SYNPR: variants seen among roughly 807,000 people sequenced by gnomAD.
SYNPR encodes synaptoporin.
In SYNPR, 23 loss-of-function variants were observed where a neutral mutation model predicts 32.9. The ratio of observed to expected loss-of-function variants is 0.70; its 90% CI spans 0.50 to 0.99. SYNPR has a LOEUF of 0.99. Among genes scored for constraint, SYNPR ranks in the 50% least tolerant of loss-of-function variants. SYNPR has a pLI of 0.00. For synonymous variants in SYNPR, 146 were observed against 135.9 expected (o/e 1.07, Z -0.52); for missense variants, 318 against 349.3 (o/e 0.91, Z 0.71).
intron 2 of SYNPR, among the ~76,000 whole-genome samples, chr3:63,416,968 T>C (rs1192683958): frequency 6.6e-6 from 1 of 152,150 alleles, no homozygotes; most frequent in Non-Finnish European, 1.5e-5. Flanking sequence ...CCAAATCTCA[T>C]GTCCTCACAT....
At chr3:63,511,703 T>C (rs1354664131) in intron 3 of SYNPR, among the ~76,000 whole-genome samples, 3 of 152,078 alleles carry the variant, frequency 2.0e-5, no homozygotes, top group Non-Finnish European at 2.9e-5. Flanking sequence ...GGATAAATTA[T>C]GTTTTCAGGG....
At chr3:63,593,988 T>C (rs1040754840) in intron 4 of SYNPR, among the ~76,000 whole-genome samples, 1 of 152,178 alleles carries the variant, frequency 6.6e-6, no homozygotes, top group Non-Finnish European at 1.5e-5. Flanking sequence ...GAAACAACAA[T>C]GGACAAACAA....
At chr3:63,504,265 G>T (rs1231441812) in intron 3 of SYNPR, among the ~76,000 whole-genome samples, 1 of 152,154 alleles carries the variant, frequency 6.6e-6, no homozygotes, top group Non-Finnish European at 1.5e-5. Context: ...AACACGAACT[G>T]CTTTACTTCA....
chr3:63,576,839 T>A (rs1702990798), intron 4 of SYNPR, among the ~76,000 whole-genome samples: 1 of 150,930 alleles, frequency 6.6e-6, no homozygotes, highest in South Asian at 2.1e-4. Context: ...AAAGAAAACA[T>A]GTTATCTAAG....
intron 2 of SYNPR, among the ~76,000 whole-genome samples, chr3:63,369,403 C>G (rs181110447): frequency 6.6e-6 from 1 of 152,236 alleles, no homozygotes; most frequent in Admixed American, 6.5e-5. Flanking sequence ...GAGGAGCACC[C>G]AGTATAGGGA....
chr3:63,411,035 A>C (rs2088457677), intron 2 of SYNPR, among the ~76,000 whole-genome samples: 1 of 152,120 alleles, frequency 6.6e-6, no homozygotes, highest in Admixed American at 6.6e-5. Flanking sequence ...TTAACTACTC[A>C]CTGTTCTTTA....
chr3:63,211,440 G>A, the SYNPR span, among the ~76,000 whole-genome samples: 379 of 152,306 alleles, frequency 2.5e-3, 4 homozygotes, highest in Non-Finnish European at 3.8e-3. Flanking sequence ...GGAGATTCAA[G>A]TTTACAGTTT....
rs565171017 is a variant in SYNPR, at chr3:63,448,030, G to A, written c.85-32802G>A. 7.9e-4 allele frequency among the ~76,000 whole-genome samples: 109 copies of A among 137,734 alleles called. 1 individual carries two copies. Among genetic ancestry groups the A allele is most frequent in the Non-Finnish European group, 1.4e-3 (88 of 63,284 alleles). 90.4% of individuals were successfully genotyped at this position (137,734 alleles called of 152,430 possible). ...TTTATTTATTTATTTTTGAGATGGA[G>A]TCTCATTCTGCCTCCCAGGCTGGAG... On this transcript the variant is annotated intron_variant, in intron 2 of 5. Transcript: ENST00000478300.
chr3:63,431,955 G>A (rs1016118886), intron 2 of SYNPR, among the ~76,000 whole-genome samples: 13 of 151,836 alleles, frequency 8.6e-5, no homozygotes, highest in Non-Finnish European at 1.9e-4. Flanking sequence ...CAGGCCTTCA[G>A]CATTCTGTCT....
At chr3:63,350,354 C>G (rs1025083373) in intron 2 of SYNPR, among the ~76,000 whole-genome samples, 6 of 152,182 alleles carry the variant, frequency 3.9e-5, no homozygotes, top group Non-Finnish European at 7.3e-5. Flanking sequence ...ACATCTCACT[C>G]TCATTGGACC....
chr3:63,353,614 C>A (rs1227299898), intron 2 of SYNPR, among the ~76,000 whole-genome samples: 1 of 152,168 alleles, frequency 6.6e-6, no homozygotes, highest in Non-Finnish European at 1.5e-5. Context: ...CACAGTCCTG[C>A]CTGACTCACT....
At chr3:63,507,070 C>G (rs1220256660) in intron 3 of SYNPR, among the ~76,000 whole-genome samples, 1 of 151,864 alleles carries the variant, frequency 6.6e-6, no homozygotes, top group South Asian at 2.1e-4. Context: ...TCACTTGAAC[C>G]TGGGAGGCGG....
At chr3:63,217,823 G>T in the SYNPR span, among the ~76,000 whole-genome samples, 2 of 152,096 alleles carry the variant, frequency 1.3e-5, no homozygotes, top group African/African-American at 4.8e-5. Flanking sequence ...TTTGGGTAGA[G>T]TTCTCCAACT....
At chr3:63,245,826 G>A (rs1323935272) in intron 1 of SYNPR, among the ~76,000 whole-genome samples, 1 of 151,390 alleles carries the variant, frequency 6.6e-6, no homozygotes, top group Non-Finnish European at 1.5e-5. Context: ...TCTGTAATGG[G>A]AATATTCTGA....
intron 2 of SYNPR, among the ~76,000 whole-genome samples, chr3:63,294,714 T>C (rs191322639): frequency 6.6e-6 from 1 of 152,322 alleles, no homozygotes. Flanking sequence ...ACTGTTGTTA[T>C]AAATCTTTCA....
chr3:63,387,336 G>T (rs1331001131), intron 2 of SYNPR, among the ~76,000 whole-genome samples: 2 of 152,116 alleles, frequency 1.3e-5, no homozygotes, highest in African/African-American at 4.8e-5. Flanking sequence ...TTAGAAGGGA[G>T]GGTAAAAATC....
At chr3:63,273,100 G>A (rs916880699) in intron 3 of SYNPR, among the ~76,000 whole-genome samples, 4 of 152,234 alleles carry the variant, frequency 2.6e-5, no homozygotes, top group Admixed American at 6.5e-5. Flanking sequence ...GTTCTAGTAC[G>A]TTCCTGGAAT....
chr3:63,205,271 A>C, the SYNPR span, among the ~76,000 whole-genome samples: 3 of 152,240 alleles, frequency 2.0e-5, no homozygotes, highest in Non-Finnish European at 2.9e-5. Context: ...AAGCTTAATG[A>C]AAATGATCCC....
At chr3:63,349,986 A>T (rs1266270222) in intron 2 of SYNPR, among the ~76,000 whole-genome samples, 1 of 152,154 alleles carries the variant, frequency 6.6e-6, no homozygotes, top group Admixed American at 6.5e-5. Context: ...AACTTTTCTT[A>T]ATATCCTGGC....
Sources: gnomAD v4.1 joint callset for allele counts (sites outside exome capture counted in the v4.1 genomes callset) on GRCh38, gnomAD v4.1.1 for gene constraint, MANE v1.5 for transcripts, NCBI Gene and HGNC (gene_info 2026-07-23, HGNC 2026-07-21) for gene names.